The following TENM1 variants were observed in gnomAD, a reference collection of about 807,000 sequenced individuals.
TENM1 encodes the protein teneurin-1.
TENM1 carries 35 observed loss-of-function variants against 174.8 expected under a neutral mutation model. That is an observed-to-expected ratio of 0.20 (90% CI 0.15 to 0.27). TENM1 has a LOEUF of 0.27. Ranked by LOEUF, TENM1 falls within the 10% of genes least tolerant of loss-of-function variation. The pLI is 1.00. For synonymous variants in TENM1, 781 were observed against 798.7 expected (o/e 0.98, Z 0.37); for missense variants, 1,633 against 2,130.1 (o/e 0.77, Z 4.59).
chrX:125,017,986 C>T, the TENM1 span, among the ~76,000 whole-genome samples: 1 of 111,062 alleles, frequency 9.0e-6, no homozygotes, highest in African/African-American at 3.3e-5. Context: ...CCTGCACTTT[C>T]TGCAGATGTA....
At chrX:124,926,653 A>G (rs1320992456) in intron 1 of TENM1, among the ~76,000 whole-genome samples, 2 of 111,798 alleles carry the variant, frequency 1.8e-5, no homozygotes, top group Non-Finnish European at 3.8e-5. Flanking sequence ...TAGATTAATG[A>G]TTTTAACAAA....
intron 3 of TENM1, among the ~76,000 whole-genome samples, chrX:124,759,312 A>G (rs2054347989): frequency 9.0e-6 from 1 of 111,182 alleles, no homozygotes; most frequent in Non-Finnish European, 1.9e-5. Context: ...AATAGATAGA[A>G]ATAGTTTTTT....
intron 11 of TENM1, among the ~76,000 whole-genome samples, chrX:124,632,802 T>G (rs1257156754): frequency 1.8e-5 from 2 of 112,128 alleles, no homozygotes; most frequent in East Asian, 5.6e-4. Flanking sequence ...ATTCAGCTTA[T>G]TTGGGGTAAG....
chrX:124,742,656 A>C (rs1344650456), intron 3 of TENM1, among the ~76,000 whole-genome samples: 10 of 111,148 alleles, frequency 9.0e-5, no homozygotes, highest in Non-Finnish European at 1.9e-4. Context: ...GTATATGTAC[A>C]GCAGCACCTT....
the TENM1 span, among the ~76,000 whole-genome samples, chrX:125,185,465 G>A: frequency 8.9e-6 from 1 of 112,024 alleles, no homozygotes; most frequent in South Asian, 3.7e-4. Context: ...ATGAGGTACA[G>A]ACACAAGCTT....
chrX:124,381,315 G>A (rs190108450), intron 31 of TENM1, 21 bp from the exon 35 acceptor site: 145 of 1,167,635 alleles, frequency 1.2e-4, no homozygotes, highest in Non-Finnish European at 1.4e-4. Flanking sequence ...GAGGCACAGA[G>A]CAGATGCAGC....
At chrX:124,524,535 C>T (rs1239060226) in intron 16 of TENM1, among the ~76,000 whole-genome samples, 1 of 111,419 alleles carries the variant, frequency 9.0e-6, no homozygotes, top group African/African-American at 3.3e-5. Context: ...ATTTGACTAC[C>T]CTCTTTGGCC....
At chrX:125,067,423 G>GA in the TENM1 span, among the ~76,000 whole-genome samples, 541 of 102,836 alleles carry the variant, frequency 5.3e-3, 5 homozygotes, top group African/African-American at 0.016. Flanking sequence ...AACCTCTAGG[G>GA]AAAAAAAAAA....
intron 3 of TENM1, among the ~76,000 whole-genome samples, chrX:124,840,684 C>T (rs561440571): frequency 3.4e-4 from 38 of 111,658 alleles, no homozygotes; most frequent in African/African-American, 1.1e-3. Context: ...GCCTTATGTT[C>T]CAAAAAGCTG....
At chrX:124,477,686 A>G (rs1462917361) in intron 22 of TENM1, among the ~76,000 whole-genome samples, 3 of 96,662 alleles carry the variant, frequency 3.1e-5, no homozygotes, top group African/African-American at 1.2e-4. Context: ...CGGGAGGTGG[A>G]GGTTGCAGTG....
the TENM1 span, among the ~76,000 whole-genome samples, chrX:125,183,809 C>A: frequency 0.017 from 1,900 of 111,909 alleles, 49 homozygotes; most frequent in African/African-American, 0.059. Flanking sequence ...CTCACTAAAC[C>A]ACTTAACAAG....
At chrX:124,418,996 C>G (rs1047553204) in intron 25 of TENM1, among the ~76,000 whole-genome samples, 6 of 111,755 alleles carry the variant, frequency 5.4e-5, no homozygotes, top group Non-Finnish European at 1.1e-4. Context: ...TTAGGGGCAC[C>G]TATCCCATGT....
At chrX:124,946,148 G>C (rs778808981) in intron 1 of TENM1, among the ~76,000 whole-genome samples, 1 of 111,621 alleles carries the variant, frequency 9.0e-6, no homozygotes, top group South Asian at 3.8e-4. Context: ...AGAGCTATCT[G>C]ATGCAGTTGA....
At chrX:124,680,579 T>TTTA (rs1356613162) in intron 5 of TENM1, among the ~76,000 whole-genome samples, 1 of 110,877 alleles carries the variant, frequency 9.0e-6, no homozygotes, top group Non-Finnish European at 1.9e-5. Context: ...CACCATTAAG[T>TTTA]GCTCTCCATA....
At chrX:124,494,847 A>C (rs1252511838) in intron 20 of TENM1, among the ~76,000 whole-genome samples, 2 of 104,490 alleles carry the variant, frequency 1.9e-5, no homozygotes, top group Admixed American at 1.0e-4. Context: ...TGAACTCATC[A>C]TTTTTTATGG....
At chrX:124,434,426 C>T (rs1016521490) in intron 23 of TENM1, among the ~76,000 whole-genome samples, 3 of 112,055 alleles carry the variant, frequency 2.7e-5, no homozygotes, top group African/African-American at 9.7e-5. Context: ...AAAATCTTCA[C>T]TTCCTCTAGA....
intron 23 of TENM1, among the ~76,000 whole-genome samples, chrX:124,450,088 C>A (rs998600875): frequency 9.0e-6 from 1 of 110,663 alleles, no homozygotes; most frequent in Admixed American, 9.6e-5. Flanking sequence ...ATTATGGGGG[C>A]GGGTCTTTCC....
the TENM1 span, among the ~76,000 whole-genome samples, chrX:125,071,718 C>G: frequency 3.6e-5 from 4 of 110,945 alleles, no homozygotes; most frequent in Non-Finnish European, 5.7e-5. Context: ...CTCTCTATAC[C>G]TACCAGTGAT....
At chrX:124,579,888 T>C (rs1448687330) in intron 11 of TENM1, among the ~76,000 whole-genome samples, 1 of 111,793 alleles carries the variant, frequency 8.9e-6, no homozygotes, top group East Asian at 2.8e-4. Context: ...ACTAGAAAAA[T>C]GTTGGCATCA....
Sources: allele counts gnomAD v4.1 joint callset (sites outside exome capture counted in the v4.1 genomes callset), GRCh38; gene constraint gnomAD v4.1.1; transcripts MANE v1.5; gene names NCBI Gene and HGNC (gene_info 2026-07-23, HGNC 2026-07-21).